The following WDFY4 variants were observed in gnomAD, a reference collection of about 807,000 sequenced individuals.
The protein encoded by WDFY4 is WDFY family member 4.
WDFY4 carries 169 observed loss-of-function variants against 351.9 expected under a neutral mutation model. The ratio of observed to expected loss-of-function variants is 0.48; its 90% CI spans 0.42 to 0.55. The LOEUF (loss-of-function observed/expected upper bound fraction) is 0.55, where lower values mean the gene tolerates loss of function less well. WDFY4 is among the 20% of genes least tolerant of loss of function. The pLI is 0.00. For synonymous variants in WDFY4, 1,622 were observed against 1,574.6 expected (o/e 1.03, Z -0.71); for missense variants, 3,803 against 3,935.6 (o/e 0.97, Z 0.90).
At chr10:48,910,283 G>A (rs1837881867) in intron 47 of WDFY4, 2 of 1,611,640 alleles carry the variant, frequency 1.2e-6, no homozygotes, top group Admixed American at 1.7e-5. Context: ...ACAAGAAGGT[G>A]AGGCAATTGC....
intron 11 of WDFY4, among the ~76,000 whole-genome samples, chr10:48,739,832 G>A (rs1294844382): frequency 6.6e-6 from 1 of 152,186 alleles, no homozygotes; most frequent in Non-Finnish European, 1.5e-5. Flanking sequence ...AGATCATAAT[G>A]AGGGTGATTA....
At chr10:48,931,939 A>T (rs1840037352) in intron 47 of WDFY4, among the ~76,000 whole-genome samples, 1 of 152,228 alleles carries the variant, frequency 6.6e-6, no homozygotes, top group African/African-American at 2.4e-5. Context: ...ATGGCCACCC[A>T]CATGTTAGTC....
chr10:48,913,345 C>G, intron 47 of WDFY4: 1 of 1,569,194 alleles, frequency 6.4e-7, no homozygotes, highest in South Asian at 1.1e-5. Context: ...TGCCCTCTTC[C>G]CTCCCTCTCT....
At chr10:48,692,796 C>T (rs762498702) in intron 1 of WDFY4, among the ~76,000 whole-genome samples, 13 of 152,186 alleles carry the variant, frequency 8.5e-5, no homozygotes, top group East Asian at 1.9e-4. Context: ...CCCTGCTGCC[C>T]GCTGTCTGCC....
intron 4 of WDFY4, among the ~76,000 whole-genome samples, chr10:48,721,833 A>C (rs952214545): frequency 1.3e-5 from 2 of 152,182 alleles, no homozygotes; most frequent in Non-Finnish European, 2.9e-5. Flanking sequence ...CCTGCAGTCT[A>C]TCTGATTCTA....
intron 57 of WDFY4, among the ~76,000 whole-genome samples, chr10:48,973,530 C>T (rs929983561): frequency 6.6e-6 from 1 of 152,190 alleles, no homozygotes; most frequent in Admixed American, 6.5e-5. Flanking sequence ...TTGTCTCTGC[C>T]CTGAGGGTGG....
chr10:48,803,972 G>A (rs1279405240), intron 25 of WDFY4, among the ~76,000 whole-genome samples: 2 of 152,216 alleles, frequency 1.3e-5, no homozygotes, highest in Admixed American at 6.5e-5. Flanking sequence ...GCTCCTCAGA[G>A]CACATCCTCA....
chr10:48,964,137 A>G lies in WDFY4; in HGVS notation c.8436+83A>G, dbSNP rs565433072. The G allele has an allele frequency of 1.5e-4, 222 of 1,448,074 alleles. 1 individual carries two copies. Among genetic ancestry groups the G allele is most frequent in the Middle Eastern group, 1.2e-3 (5 of 4,138 alleles). 89.7% of individuals were successfully genotyped at this position (1,448,074 alleles called of 1,614,324 possible). ...ACATTCTCTCCTGGGGTGAAAGTGAAGGAGATGGCTGAAGAGGTGAAATGG... is the reference window on the plus strand; with the variant it reads ...ACATTCTCTCCTGGGGTGAAAGTGAGGGAGATGGCTGAAGAGGTGAAATGG... On this transcript the variant is annotated intron_variant, in intron 54 of 61. Transcript: ENST00000325239.
At chr10:48,916,531 C>T (rs1218301301) in intron 47 of WDFY4, among the ~76,000 whole-genome samples, 4 of 152,208 alleles carry the variant, frequency 2.6e-5, no homozygotes, top group African/African-American at 9.7e-5. Context: ...GCTTTGTTTT[C>T]TCTACCCTAC....
At position 48,790,852 on chromosome 10, in the gene WDFY4, C is replaced by T; in HGVS notation, c.4192C>T (p.Leu1398=). The change falls in exon 23 of 62, where the codon CTG becomes TTG. Residue 1398 remains leucine, a synonymous_variant. Transcript: ENST00000325239. ...TACCATGTATGCGGCTGTGAAAGTT[C>T]TGCACTCGGTCCTGACCAGTAATGC... ...DHTMYAAVKV[L]HSVLTSNAMC... 1.9e-6 allele frequency: 3 copies of T among 1,551,768 alleles called. No homozygotes were observed. Among genetic ancestry groups the T allele is most frequent in the Non-Finnish European group, 2.6e-6 (3 of 1,147,006 alleles).
intron 2 of WDFY4, among the ~76,000 whole-genome samples, chr10:48,713,297 T>C (rs2063815112): frequency 6.6e-6 from 1 of 152,218 alleles, no homozygotes; most frequent in South Asian, 2.1e-4. Flanking sequence ...CATTGTCTTG[T>C]GCATCAGACT....
chr10:48,963,643 T>C (rs1225422310), intron 53 of WDFY4, among the ~76,000 whole-genome samples, 199 bp from the exon 54 acceptor site: 2 of 152,196 alleles, frequency 1.3e-5, no homozygotes, highest in East Asian at 1.9e-4. Flanking sequence ...GATTTGCTGC[T>C]GGCTGCAGAC....
intron 39 of WDFY4, among the ~76,000 whole-genome samples, chr10:48,835,414 A>G (rs2068350855): frequency 6.6e-6 from 1 of 152,156 alleles, no homozygotes; most frequent in African/African-American, 2.4e-5. Context: ...GGCAGAGAGG[A>G]CAGTTGGGCA....
chr10:48,977,120 A>C, intron 59 of WDFY4, 141 bp downstream of exon 59: 1 of 751,326 alleles, frequency 1.3e-6, no homozygotes, highest in Non-Finnish European at 1.9e-6. Flanking sequence ...AGGAAGGGAA[A>C]AGACAAGGCT....
chr10:48,877,033 A>G lies in WDFY4; in HGVS notation c.7001A>G (p.Asp2334Gly). 6.8e-7 allele frequency: 1 copy of G among 1,480,436 alleles called. No homozygotes were observed. The highest frequency in any genetic ancestry group is 9.0e-7 in the Non-Finnish European group (1 of 1,113,068). The allele number at this position is 1,480,436 out of a possible 1,614,324, so 91.7% of individuals were successfully genotyped here. The change falls in exon 43 of 62, where the codon GAT becomes GGT. Residue 2334 changes from aspartate (D) to glycine (G), a missense_variant and splice_region_variant. Physicochemically the swap from Asp to Gly is moderately conservative, Grantham distance 94. Coordinates refer to ENST00000325239, the MANE Select transcript of WDFY4 (RefSeq NM_001394531.1). ...CACGTGTCCCTTTATGCTGCTGCAGATGAACTGACACTGAGGGAGGCTGAG... is the reference window on the plus strand; with the variant it reads ...CACGTGTCCCTTTATGCTGCTGCAGGTGAACTGACACTGAGGGAGGCTGAG... The part of the protein sequence containing the change: ...HISQTNAENQ[D>G]ELTLREAEGE...
intron 44 of WDFY4, among the ~76,000 whole-genome samples, chr10:48,891,003 G>A (rs188803053): frequency 1.3e-5 from 2 of 152,252 alleles, no homozygotes; most frequent in African/African-American, 4.8e-5. Flanking sequence ...TCAATTATTC[G>A]CATGGCTGAA....
intron 25 of WDFY4, among the ~76,000 whole-genome samples, chr10:48,804,560 T>C (rs1200494395): frequency 4.1e-5 from 2 of 49,282 alleles, no homozygotes; most frequent in African/African-American, 1.0e-4. Flanking sequence ...AATGTGTTAA[T>C]ACAAAAAAAA....
intron 59 of WDFY4, chr10:48,977,244 A>C (rs1438898591): frequency 1.0e-5 from 3 of 289,260 alleles, no homozygotes; most frequent in African/African-American, 4.3e-5. Flanking sequence ...ACAACATATA[A>C]AAGTTGAATG....
In WDFY4 at chr10:48,909,934, C is replaced by T. The variant is rs1837849473; in HGVS notation, c.7586+8071C>T. On this transcript the variant is annotated intron_variant, in intron 47 of 61. Coordinates refer to ENST00000325239, the MANE Select transcript of WDFY4 (RefSeq NM_001394531.1). ...TGTAGAGGCAGTAAGCCTTTTAAGT[C>T]TTAAAGTCTTAAATATTTAGTTGTC... 2.4e-5 allele frequency: 9 copies of T among 372,372 alleles called. No homozygotes were observed. In the South Asian group the frequency reaches 3.5e-4, roughly 14 times the overall value. The allele number at this position is 372,372 out of a possible 1,614,324, so 23.1% of individuals were successfully genotyped here.
Sources: gnomAD v4.1 joint callset for allele counts (sites outside exome capture counted in the v4.1 genomes callset) on GRCh38, gnomAD v4.1.1 for gene constraint, MANE v1.5 for transcripts, NCBI Gene and HGNC (gene_info 2026-07-23, HGNC 2026-07-21) for gene names.